Variants in GALNT13 observed in about 807,000 individuals in gnomAD.
GALNT13 encodes polypeptide N-acetylgalactosaminyltransferase 13.
A neutral mutation model predicts 64.2 loss-of-function variants in GALNT13; 28 were observed. The ratio of observed to expected loss-of-function variants is 0.44; its 90% CI spans 0.32 to 0.60. The LOEUF is 0.60. GALNT13 is among the 20% of genes least tolerant of loss of function. GALNT13 has a pLI of 0.05. For synonymous variants in GALNT13, 214 were observed against 224.6 expected (o/e 0.95, Z 0.42); for missense variants, 577 against 669.8 (o/e 0.86, Z 1.53).
At chr2:153,611,509 C>T in the GALNT13 span, among the ~76,000 whole-genome samples, 70 of 152,036 alleles carry the variant, frequency 4.6e-4, no homozygotes, top group African/African-American at 1.6e-3. Flanking sequence ...GCTGTGACTA[C>T]AGGCACCTGC....
the GALNT13 span, among the ~76,000 whole-genome samples, chr2:153,702,481 A>G: frequency 6.6e-6 from 1 of 152,104 alleles, no homozygotes; most frequent in Admixed American, 6.5e-5. Context: ...TAAATAAATA[A>G]AAAATAAGAG....
At chr2:153,939,691 G>T (rs1223641264) in intron 2 of GALNT13, among the ~76,000 whole-genome samples, 3 of 152,226 alleles carry the variant, frequency 2.0e-5, no homozygotes, top group African/African-American at 7.2e-5. Context: ...AATCCTCATT[G>T]TTTTTTCTTG....
intron 3 of GALNT13, among the ~76,000 whole-genome samples, chr2:154,091,936 C>G (rs1423253960): frequency 6.6e-6 from 1 of 151,760 alleles, no homozygotes; most frequent in Non-Finnish European, 1.5e-5. Flanking sequence ...CTGCTTTAAA[C>G]TAATCGGATA....
the GALNT13 span, among the ~76,000 whole-genome samples, chr2:153,624,910 G>A: frequency 3.3e-5 from 5 of 151,076 alleles, no homozygotes; most frequent in Admixed American, 6.6e-5. Context: ...AATGTGGCTC[G>A]GACAAAAAAG....
intron 3 of GALNT13, among the ~76,000 whole-genome samples, chr2:154,076,835 T>C (rs1200399345): frequency 6.6e-6 from 1 of 151,598 alleles, no homozygotes; most frequent in Non-Finnish European, 1.5e-5. Context: ...AAACACTTAT[T>C]ATAGAGGCTT....
At chr2:153,789,672 A>T in the GALNT13 span, among the ~76,000 whole-genome samples, 1 of 152,076 alleles carries the variant, frequency 6.6e-6, no homozygotes, top group South Asian at 2.1e-4. Context: ...GAAAAATATA[A>T]TAGATAGGCC....
the GALNT13 span, among the ~76,000 whole-genome samples, chr2:153,533,294 C>G: frequency 1.3e-5 from 2 of 151,934 alleles, no homozygotes; most frequent in South Asian, 4.1e-4. Flanking sequence ...TTTTGTAGCC[C>G]AGCCTGGAGT....
the GALNT13 span, among the ~76,000 whole-genome samples, chr2:153,131,153 A>G: frequency 2.6e-5 from 4 of 152,330 alleles, no homozygotes; most frequent in African/African-American, 9.6e-5. Context: ...AAAAGACACC[A>G]GGACTAGATT....
At chr2:153,544,507 G>C in the GALNT13 span, among the ~76,000 whole-genome samples, 4 of 151,968 alleles carry the variant, frequency 2.6e-5, no homozygotes, top group African/African-American at 9.7e-5. Flanking sequence ...ATGTCAATTT[G>C]GTATATTATT....
the GALNT13 span, among the ~76,000 whole-genome samples, chr2:153,845,014 C>A: frequency 6.6e-6 from 1 of 152,174 alleles, no homozygotes; most frequent in Non-Finnish European, 1.5e-5. Context: ...TGATCACAAT[C>A]ATTTAACCAG....
the GALNT13 span, among the ~76,000 whole-genome samples, chr2:153,597,220 T>A: frequency 6.6e-6 from 1 of 152,080 alleles, no homozygotes; most frequent in South Asian, 2.1e-4. Context: ...TTATTTTGTA[T>A]TTCAGTACGG....
At chr2:153,817,964 A>G in the GALNT13 span, among the ~76,000 whole-genome samples, 1 of 152,056 alleles carries the variant, frequency 6.6e-6, no homozygotes, top group Admixed American at 6.5e-5. Context: ...AAGGAAACAA[A>G]GAGTTTGAGT....
intron 11 of GALNT13, among the ~76,000 whole-genome samples, chr2:154,431,492 A>G (rs1194278439): frequency 6.6e-6 from 1 of 152,212 alleles, no homozygotes; most frequent in Non-Finnish European, 1.5e-5. Flanking sequence ...AATTTAACAG[A>G]ATATTTTAGA....
At chr2:153,181,330 T>TAATTTCTAGTTTCATACCATTACTGTCAA in the GALNT13 span, among the ~76,000 whole-genome samples, 2 of 150,800 alleles carry the variant, frequency 1.3e-5, no homozygotes, top group Non-Finnish European at 3.0e-5. Context: ...TACTTATTAT[T>TAATTTCTAGTTTCATACCATTACTGTCAA]AATTTCTAGT....
chr2:153,325,114 G>GTTT, the GALNT13 span, among the ~76,000 whole-genome samples: 16 of 72,682 alleles, frequency 2.2e-4, no homozygotes, highest in East Asian at 4.4e-3. Flanking sequence ...CTGGACCTGG[G>GTTT]TTTTTTTTTT....
At chr2:153,316,062 G>C in the GALNT13 span, among the ~76,000 whole-genome samples, 2 of 150,804 alleles carry the variant, frequency 1.3e-5, no homozygotes, top group East Asian at 3.9e-4. Context: ...AGTAATCAGG[G>C]ATATACAAAT....
the GALNT13 span, among the ~76,000 whole-genome samples, chr2:153,560,608 G>A: frequency 2.0e-5 from 3 of 151,988 alleles, no homozygotes; most frequent in Non-Finnish European, 4.4e-5. Flanking sequence ...ACTGATTTGA[G>A]ATGACACTTT....
chr2:154,026,407 G>A (rs1189433699), intron 3 of GALNT13, among the ~76,000 whole-genome samples: 6 of 152,282 alleles, frequency 3.9e-5, no homozygotes, highest in Non-Finnish European at 2.9e-5. Context: ...TTTGGCTTGT[G>A]TTCCCTGTTG....
chr2:154,235,569 T>C (rs192014925), intron 4 of GALNT13, among the ~76,000 whole-genome samples: 70 of 152,290 alleles, frequency 4.6e-4, no homozygotes, highest in Non-Finnish European at 1.5e-5. Context: ...TCTTAAAATA[T>C]ATAGAGGACT....
Sources: gnomAD v4.1 joint callset for allele counts (sites outside exome capture counted in the v4.1 genomes callset) on GRCh38, gnomAD v4.1.1 for gene constraint, MANE v1.5 for transcripts, NCBI Gene and HGNC (gene_info 2026-07-23, HGNC 2026-07-21) for gene names.